TSEN15: variants seen among roughly 807,000 people sequenced by gnomAD.
TSEN15 encodes the protein tRNA splicing endonuclease subunit 15.
Under a neutral mutation model 20.5 loss-of-function variants are expected in TSEN15, and 10 were observed. The ratio of observed to expected loss-of-function variants is 0.49; its 90% confidence interval spans 0.30 to 0.83. TSEN15 has a LOEUF of 0.83. Ranked by LOEUF, TSEN15 falls within the 40% of genes least tolerant of loss-of-function variation. TSEN15 has a pLI of 0.06. For missense variants in TSEN15, 180 were observed against 218.6 expected, an observed-to-expected ratio of 0.82 and a Z score of 1.11; for synonymous variants, 72 against 80.1, an observed-to-expected ratio of 0.90 and a Z score of 0.54.
At chr1:184,071,123 GTA>G (rs1305821101) in intron 3 of TSEN15, 4 of 152,116 alleles carry the variant, frequency 2.6e-5, no homozygotes, top group African/African-American at 9.7e-5. Context: ...AATCTTATGT[GTA>G]AACATAAAGG....
intron 3 of TSEN15, chr1:184,094,812 A>G: frequency 2.6e-6 from 1 of 385,486 alleles, no homozygotes; most frequent in Non-Finnish European, 4.6e-6. Context: ...GACTACCAAT[A>G]AAATGTCTGG....
downstream of TSEN15, chr1:184,074,361 A>G (rs1651014975): frequency 6.6e-6 from 1 of 152,176 alleles, no homozygotes; most frequent in African/African-American, 2.4e-5. Context: ...ATGAGGCTAC[A>G]GTCAAGGTGT....
intron 3 of TSEN15, chr1:184,070,489 A>G (rs1419084496): frequency 2.9e-6 from 1 of 343,688 alleles, no homozygotes; most frequent in African/African-American, 2.1e-5. Flanking sequence ...TGACAACAAA[A>G]GATGTAGATA....
intron 3 of TSEN15, among the ~76,000 whole-genome samples, chr1:184,088,342 T>C (rs1467324841): frequency 6.6e-6 from 1 of 152,128 alleles, no homozygotes; most frequent in African/African-American, 2.4e-5. Flanking sequence ...ACGCCTAGAT[T>C]CTGAGGAGTC....
intron 3 of TSEN15, among the ~76,000 whole-genome samples, chr1:184,061,646 G>A (rs767375297): frequency 6.6e-6 from 1 of 152,134 alleles, no homozygotes; most frequent in Non-Finnish European, 1.5e-5. Context: ...AGAGTGGCAT[G>A]TATATTTATA....
chr1:184,057,220 G>T (rs771648131), intron 3 of TSEN15, among the ~76,000 whole-genome samples: 1 of 152,132 alleles, frequency 6.6e-6, no homozygotes, highest in Non-Finnish European at 1.5e-5. Flanking sequence ...TATTGATGGA[G>T]CAAGATTCTT....
chr1:184,062,280 T>G (rs1303442224), intron 3 of TSEN15, among the ~76,000 whole-genome samples: 2 of 152,184 alleles, frequency 1.3e-5, no homozygotes, highest in Non-Finnish European at 2.9e-5. Flanking sequence ...TACTCTAGAT[T>G]GTTTCTTTGC....
rs181389322 is a variant in TSEN15 at position 184,059,443 on chromosome 1, T to C, written c.353+4580T>C. ...AATTAGATGGGAAAGTTTATTTAGA[T>C]TATGAAGGCCATCATTGTTTTTACT... On this transcript the variant is annotated intron_variant, in intron 3 of 4. Transcript: ENST00000645668. Among the ~76,000 whole-genome samples, 207 of 152,304 alleles carry C rather than the reference T, an allele frequency of 1.4e-3. 3 individuals carry two copies. The highest frequency in any genetic ancestry group is 4.7e-3 in the African/African-American group (195 of 41,566).
At chr1:184,081,389 G>C (rs1264328134) in intron 3 of TSEN15, among the ~76,000 whole-genome samples, 1 of 152,172 alleles carries the variant, frequency 6.6e-6, no homozygotes, top group African/African-American at 2.4e-5. Context: ...GTCAGTTCCA[G>C]CTGCAGGAGG....
chr1:184,058,996 G>C (rs1650349433), intron 3 of TSEN15, among the ~76,000 whole-genome samples: 1 of 149,922 alleles, frequency 6.7e-6, no homozygotes, highest in Admixed American at 6.6e-5. Flanking sequence ...CCTCATGAAA[G>C]TAGTATTCTA....
At chr1:184,074,483 A>C (rs1464597418), downstream of TSEN15, among the ~76,000 whole-genome samples, 1 of 152,140 alleles carries the variant, frequency 6.6e-6, no homozygotes, top group Non-Finnish European at 1.5e-5. Flanking sequence ...CTTATATGCC[A>C]TTGGCAGGAG....
chr1:184,091,219 G>A (rs985996079), intron 3 of TSEN15, among the ~76,000 whole-genome samples: 3 of 152,042 alleles, frequency 2.0e-5, no homozygotes, highest in African/African-American at 7.3e-5. Context: ...AGGAGAAGGG[G>A]CTTAAGTGTG....
intron 3 of TSEN15, chr1:184,070,714 G>A: frequency 7.9e-7 from 1 of 1,264,018 alleles, no homozygotes; most frequent in African/African-American, 1.5e-5. Flanking sequence ...ATCACAGTGT[G>A]ACTTCCCATC....
At chr1:184,090,292 T>A (rs1421285979) in intron 3 of TSEN15, among the ~76,000 whole-genome samples, 1 of 152,044 alleles carries the variant, frequency 6.6e-6, no homozygotes, top group Non-Finnish European at 1.5e-5. Context: ...ACAAAATAGA[T>A]CTATGGTTTT....
At chr1:184,066,868 A>G (rs916420555) in intron 3 of TSEN15, among the ~76,000 whole-genome samples, 1 of 152,224 alleles carries the variant, frequency 6.6e-6, no homozygotes, top group Non-Finnish European at 1.5e-5. Flanking sequence ...GCACTTGTAG[A>G]TCACATTGAG....
downstream of TSEN15, among the ~76,000 whole-genome samples, chr1:184,078,815 T>C (rs956765322): frequency 1.3e-5 from 2 of 152,166 alleles, no homozygotes; most frequent in Non-Finnish European, 2.9e-5. Context: ...AGCTTTTCCC[T>C]TTTATAAGCC....
chr1:184,054,929 G>T, intron 3 of TSEN15, 66 bp downstream of exon 3: 1 of 1,506,540 alleles, frequency 6.6e-7, no homozygotes, highest in East Asian at 2.3e-5. Context: ...TAAACATAGT[G>T]ATGTAATACT....
chr1:184,091,406 T>C (rs1651355836), intron 3 of TSEN15, among the ~76,000 whole-genome samples: 1 of 151,930 alleles, frequency 6.6e-6, no homozygotes, highest in Non-Finnish European at 1.5e-5. Flanking sequence ...TATTTTTTAA[T>C]TTCTAAAATA....
chr1:184,058,169 T>G (rs567325486), intron 3 of TSEN15: 57 of 428,542 alleles, frequency 1.3e-4, no homozygotes, highest in South Asian at 9.4e-4. Flanking sequence ...AGGTGGTAAT[T>G]AATGCTTTTC....
Sources: gnomAD v4.1 joint callset for allele counts (sites outside exome capture counted in the v4.1 genomes callset) on GRCh38, gnomAD v4.1.1 for gene constraint, MANE v1.5 for transcripts, NCBI Gene and HGNC (gene_info 2026-07-23, HGNC 2026-07-21) for gene names.